Variants in HOOK3 observed in about 807,000 individuals in gnomAD.
HOOK3 encodes the protein hook microtubule tethering protein 3, also known as protein Hook homolog 3.
In HOOK3, 24 loss-of-function variants were observed where a neutral mutation model predicts 116.3. The ratio of observed to expected loss-of-function variants is 0.21; its 90% CI spans 0.15 to 0.29. The LOEUF is 0.29. HOOK3 is among the 10% of genes least tolerant of loss of function. HOOK3 has a pLI of 1.00. For synonymous variants in HOOK3, 275 were observed against 283.0 expected, an observed-to-expected ratio of 0.97 and a Z score of 0.28; for missense variants, 632 against 830.2, an observed-to-expected ratio of 0.76 and a Z score of 2.93.
At chr8:42,939,509 G>A (rs1808053206) in intron 4 of HOOK3, among the ~76,000 whole-genome samples, 1 of 147,474 alleles carries the variant, frequency 6.8e-6, no homozygotes, top group African/African-American at 2.5e-5. Context: ...CGGGGCGGCT[G>A]GCCGGGCGGG....
chr8:42,912,548 A>T (rs1807452032), intron 2 of HOOK3, among the ~76,000 whole-genome samples: 1 of 152,218 alleles, frequency 6.6e-6, no homozygotes, highest in Admixed American at 6.5e-5. Flanking sequence ...ATTTGATACC[A>T]CTGAACTGTG....
At chr8:42,968,251 C>G (rs760804396) in intron 11 of HOOK3, 37 bp downstream of exon 11, 2 of 1,468,980 alleles carry the variant, frequency 1.4e-6, no homozygotes, top group Non-Finnish European at 1.9e-6. Flanking sequence ...TGGTTTCAGG[C>G]AAGCTCTCAG....
At chr8:42,953,932 C>G (rs1808388797) in intron 6 of HOOK3, among the ~76,000 whole-genome samples, 2 of 152,160 alleles carry the variant, frequency 1.3e-5, no homozygotes, top group Admixed American at 1.3e-4. Flanking sequence ...ATACCTACAA[C>G]CATTGTGCCG....
chr8:42,943,259 T>A, intron 4 of HOOK3, 54 bp from the exon 5 acceptor site: 1 of 1,190,022 alleles, frequency 8.4e-7, no homozygotes, highest in Non-Finnish European at 1.1e-6. Flanking sequence ...AAGTTTTTTT[T>A]TTTTTTGGTC....
chr8:42,943,257 T>C (rs2130385734), intron 4 of HOOK3, 56 bp from the exon 5 acceptor site: 1 of 1,173,308 alleles, frequency 8.5e-7, no homozygotes, highest in East Asian at 2.8e-5. Context: ...TCAAGTTTTT[T>C]TTTTTTTTGG....
At chr8:42,919,701 G>C (rs1242853181) in intron 2 of HOOK3, among the ~76,000 whole-genome samples, 1 of 152,214 alleles carries the variant, frequency 6.6e-6, no homozygotes, top group Non-Finnish European at 1.5e-5. Context: ...GGCACCTCGG[G>C]AGGCTGAGGC....
At chr8:42,975,544 C>CAA (rs923660773) in intron 13 of HOOK3, among the ~76,000 whole-genome samples, 1 of 152,112 alleles carries the variant, frequency 6.6e-6, no homozygotes, top group African/African-American at 2.4e-5. Context: ...AAAGGCTTCC[C>CAA]AAAGACACGG....
chr8:42,945,995 C>T (rs1466071126), intron 5 of HOOK3, among the ~76,000 whole-genome samples: 1 of 151,960 alleles, frequency 6.6e-6, no homozygotes, highest in Non-Finnish European at 1.5e-5. Context: ...TTGACAACTA[C>T]TGATTTGCAT....
intron 8 of HOOK3, among the ~76,000 whole-genome samples, chr8:42,963,741 A>G (rs999706944): frequency 1.4e-4 from 22 of 152,156 alleles, no homozygotes; most frequent in African/African-American, 5.3e-4. Context: ...TTCCTTGATA[A>G]CTAATGATTA....
In HOOK3 at chr8:42,973,515, A is replaced by G; in HGVS notation, c.1233+116A>G. ...TATGAATTTAAAAATTAGAAATCCT[A>G]TTTATTTTTAAGCTGTAGGAGAATT... On this transcript the variant is annotated intron_variant, in intron 12 of 21. Coordinates refer to ENST00000307602, the MANE Select transcript of HOOK3 (RefSeq NM_032410.4). The G allele has an allele frequency of 5.9e-6, 4 of 680,356 alleles. No homozygotes were observed. The South Asian group carries it at 9.5e-5, about 16-fold the overall frequency. 42.1% of individuals were successfully genotyped at this position (680,356 alleles called of 1,614,324 possible). A position where few individuals can be genotyped will look rare whatever the true frequency, so the allele number is the denominator to read the frequency against.
In HOOK3 at chr8:42,975,996, C is replaced by T. The variant is rs572247431; in HGVS notation, c.1321+1802C>T. The stretch of plus-strand genomic sequence containing the variant: ...CTGAGATTACAGGCGTGAGCCACCG[C>T]GCCCAGCCAAGATGTAGATGTAGAT... On this transcript the variant is annotated intron_variant, in intron 13 of 21. Coordinates refer to ENST00000307602, the MANE Select transcript of HOOK3 (RefSeq NM_032410.4). 9.9e-5 allele frequency among the ~76,000 whole-genome samples: 15 copies of T among 151,986 alleles called. 1 individual carries two copies. The East Asian group carries it at 1.4e-3, about 14-fold the overall frequency.
At chr8:42,897,250 C>T (rs527599889) in intron 1 of HOOK3, 62 bp downstream of exon 1, 74 of 1,136,482 alleles carry the variant, frequency 6.5e-5, no homozygotes, top group African/African-American at 5.1e-4. Context: ...CGGGACCCTC[C>T]ACGCGCGGCC....
At chr8:43,012,904 A>G (rs1479365174) in intron 19 of HOOK3, 147 bp from the exon 20 acceptor site, 8 of 555,160 alleles carry the variant, frequency 1.4e-5, no homozygotes, top group Non-Finnish European at 2.2e-5. Flanking sequence ...TCCAGGCCGC[A>G]TTTACTTTTT....
chr8:42,979,425 C>T (rs763591575), intron 13 of HOOK3, among the ~76,000 whole-genome samples: 2 of 152,178 alleles, frequency 1.3e-5, no homozygotes, highest in Admixed American at 6.5e-5. Context: ...AACCACACTT[C>T]GCTCAAGGTT....
At chr8:42,969,783 A>G (rs1808694218) in intron 11 of HOOK3, among the ~76,000 whole-genome samples, 1 of 152,012 alleles carries the variant, frequency 6.6e-6, no homozygotes, top group African/African-American at 2.4e-5. Context: ...TAAATTTCCT[A>G]TTTTTATCTT....
At chr8:43,010,263 ATATT>A (rs138230096) in intron 18 of HOOK3, 38 bp from the exon 19 acceptor site, 7,571 of 430,204 alleles carry the variant, frequency 0.018, 430 homozygotes, top group African/African-American at 0.13. Context: ...CAATTTATAT[ATATT>A]ATCTAAATAT....
Position 43,018,556 on chromosome 8 carries a change from CAAG to C in HOOK3, c.*61_*63del. On this transcript the variant is annotated 3_prime_UTR_variant, in exon 22 of 22. Coordinates refer to ENST00000307602, the MANE Select transcript of HOOK3 (RefSeq NM_032410.4). The stretch of plus-strand genomic sequence containing the variant: ...ACCCACAACATACTTCTGTTACACA[CAAG>C]AACATTTCAGGAAACTCAGCCAGCT... 1 of 1,446,400 alleles carries C rather than the reference CAAG, an allele frequency of 6.9e-7. No homozygotes were observed. The allele number at this position is 1,446,400 out of a possible 1,614,324, so 89.6% of individuals were successfully genotyped here. A position where few individuals can be genotyped will look rare whatever the true frequency, so the allele number is the denominator to read the frequency against.
At chr8:42,926,940 C>T (rs1216717920) in intron 3 of HOOK3, among the ~76,000 whole-genome samples, 3 of 152,182 alleles carry the variant, frequency 2.0e-5, no homozygotes. Flanking sequence ...ATTTGTTCTC[C>T]ATCTCTGTGA....
At chr8:43,018,266 C>T (rs557480964) in intron 21 of HOOK3, 92 bp from the exon 22 acceptor site, 1 of 1,192,504 alleles carries the variant, frequency 8.4e-7, no homozygotes, top group East Asian at 2.5e-5. Flanking sequence ...CTTTATGATA[C>T]ACTGTAACAA....
Sources: gnomAD v4.1 joint callset for allele counts (sites outside exome capture counted in the v4.1 genomes callset) on GRCh38, gnomAD v4.1.1 for gene constraint, MANE v1.5 for transcripts, NCBI Gene and HGNC (gene_info 2026-07-23, HGNC 2026-07-21) for gene names.